The following FRMPD4 variants were observed in gnomAD, a reference collection of about 807,000 sequenced individuals.
The protein encoded by FRMPD4 is FERM and PDZ domain containing 4.
Under a neutral mutation model 94.1 loss-of-function variants are expected in FRMPD4, and 22 were observed. The observed-to-expected ratio is 0.23, with a 90% CI of 0.17 to 0.33. FRMPD4 has a LOEUF of 0.33. FRMPD4 is among the 10% of genes least tolerant of loss of function. FRMPD4 has a pLI of 1.00. For synonymous variants in FRMPD4, 631 were observed against 548.6 expected (o/e 1.15, Z -2.10); for missense variants, 1,111 against 1,339.9 (o/e 0.83, Z 2.67).
chrX:12,710,863 A>G lies in FRMPD4; in HGVS notation c.1609+326A>G, dbSNP rs749710923. ...AGAGGTTGCAGTGAGCCGAGATCGC[A>G]CCACTGCACTCCAATCTGGGTGACA... is the stretch of plus-strand genomic sequence containing the variant. On this transcript the variant is annotated intron_variant, in intron 14 of 16. Coordinates refer to ENST00000675598, the MANE Select transcript of FRMPD4 (RefSeq NM_001368397.1). Among the ~76,000 whole-genome samples, 248 of 111,011 alleles carry G rather than the reference A, an allele frequency of 2.2e-3. 2 individuals are homozygous for G. The highest frequency in any genetic ancestry group is 3.8e-3 in the Non-Finnish European group (203 of 52,950).
chrX:12,572,570 G>T (rs2058770311), intron 2 of FRMPD4, among the ~76,000 whole-genome samples: 1 of 111,881 alleles, frequency 8.9e-6, no homozygotes, highest in Non-Finnish European at 1.9e-5. Flanking sequence ...TGTTATGGGG[G>T]TGTCTATCTT....
chrX:12,108,087 T>A (rs1296396765), intron 3 of FRMPD4, among the ~76,000 whole-genome samples: 4 of 110,762 alleles, frequency 3.6e-5, no homozygotes, highest in Admixed American at 1.9e-4. Context: ...ACAAAGATAC[T>A]CCTCGAGAAG....
At chrX:12,115,111 A>G (rs1352137073) in intron 3 of FRMPD4, among the ~76,000 whole-genome samples, 1 of 112,600 alleles carries the variant, frequency 8.9e-6, no homozygotes, top group Non-Finnish European at 1.9e-5. Context: ...ACTAATCTCT[A>G]TTATATTTTG....
At chrX:12,280,663 A>G (rs1388709253) in intron 1 of FRMPD4, among the ~76,000 whole-genome samples, 2 of 111,679 alleles carry the variant, frequency 1.8e-5, no homozygotes, top group African/African-American at 3.3e-5. Context: ...CTGAGAGGAA[A>G]AATTCTGCTC....
intron 2 of FRMPD4, among the ~76,000 whole-genome samples, chrX:12,537,138 A>T (rs2058347231): frequency 9.0e-6 from 1 of 111,708 alleles, no homozygotes; most frequent in Admixed American, 9.5e-5. Context: ...ACCTTATAGG[A>T]TTCCTGTCAC....
At chrX:12,108,411 C>A (rs1301610141) in intron 3 of FRMPD4, among the ~76,000 whole-genome samples, 1 of 112,075 alleles carries the variant, frequency 8.9e-6, no homozygotes, top group Non-Finnish European at 1.9e-5. Context: ...TCTACAAGAG[C>A]TCCTGAAGGA....
chrX:12,475,827 T>C (rs1246148749), intron 1 of FRMPD4, among the ~76,000 whole-genome samples: 2 of 111,552 alleles, frequency 1.8e-5, no homozygotes, highest in African/African-American at 3.3e-5. Flanking sequence ...TACAAACAAA[T>C]GGAAGAACAT....
chrX:12,224,701 G>A (rs1357444171), intron 1 of FRMPD4, among the ~76,000 whole-genome samples: 1 of 111,360 alleles, frequency 9.0e-6, no homozygotes, highest in Non-Finnish European at 1.9e-5. Context: ...GCAGAAGAAT[G>A]GCACATGTCT....
At chrX:12,126,834 A>G (rs2055504603) in intron 3 of FRMPD4, among the ~76,000 whole-genome samples, 1 of 111,544 alleles carries the variant, frequency 9.0e-6, no homozygotes, top group African/African-American at 3.3e-5. Context: ...ATCGACACAC[A>G]TTCTCTCACG....
At chrX:12,490,347 T>C (rs183946496) in intron 1 of FRMPD4, among the ~76,000 whole-genome samples, 1 of 110,750 alleles carries the variant, frequency 9.0e-6, no homozygotes, top group African/African-American at 3.3e-5. Flanking sequence ...ATTTCCAACA[T>C]GTGAACTTTG....
chrX:12,456,685 G>A (rs2057337351), intron 1 of FRMPD4, among the ~76,000 whole-genome samples: 1 of 112,825 alleles, frequency 8.9e-6, no homozygotes, highest in African/African-American at 3.2e-5. Flanking sequence ...CTTATTGTAA[G>A]ATTCTTAAAT....
At chrX:12,112,588 A>G (rs1486391741) in intron 3 of FRMPD4, among the ~76,000 whole-genome samples, 1 of 111,717 alleles carries the variant, frequency 9.0e-6, no homozygotes, top group African/African-American at 3.3e-5. Flanking sequence ...AAAGGATATT[A>G]ATGAGACCTA....
At chrX:12,133,998 T>C (rs984991961), upstream of FRMPD4, among the ~76,000 whole-genome samples, 177 of 112,273 alleles carry the variant, frequency 1.6e-3, no homozygotes, top group African/African-American at 5.4e-3. Context: ...CGCGTTACTC[T>C]TCAGTCACAG....
chrX:12,571,152 TC>T (rs1275836035), intron 2 of FRMPD4, among the ~76,000 whole-genome samples: 1 of 112,502 alleles, frequency 8.9e-6, no homozygotes, highest in East Asian at 2.8e-4. Context: ...TGAGCTCTTT[TC>T]TCCCACAATG....
intron 3 of FRMPD4, among the ~76,000 whole-genome samples, chrX:12,020,263 T>C (rs2054625814): frequency 8.9e-6 from 1 of 112,594 alleles, no homozygotes; most frequent in Non-Finnish European, 1.9e-5. Context: ...TAGCAAGAAT[T>C]TATTTACTGT....
chrX:12,663,484 G>C (rs1169959315), intron 4 of FRMPD4, among the ~76,000 whole-genome samples: 1 of 112,052 alleles, frequency 8.9e-6, no homozygotes, highest in Admixed American at 9.4e-5. Context: ...TGTCCGGTTT[G>C]TCAGAGATCA....
chrX:12,579,443 ATTGTT>A (rs1467287150), intron 2 of FRMPD4, among the ~76,000 whole-genome samples: 2 of 111,578 alleles, frequency 1.8e-5, no homozygotes, highest in African/African-American at 3.3e-5. Flanking sequence ...TCCATTATGT[ATTGTT>A]TTGAGTCATT....
intron 3 of FRMPD4, among the ~76,000 whole-genome samples, chrX:11,880,552 G>A (rs1041917978): frequency 8.9e-6 from 1 of 111,984 alleles, no homozygotes; most frequent in African/African-American, 3.2e-5. Context: ...AGATGAGAGA[G>A]ATAGTTTAAT....
intron 3 of FRMPD4, among the ~76,000 whole-genome samples, chrX:11,979,134 C>T (rs1392822919): frequency 1.8e-5 from 2 of 111,206 alleles, no homozygotes; most frequent in Non-Finnish European, 3.8e-5. Context: ...CCCCAAGTAC[C>T]GCTTCCTGTC....
Sources: allele counts gnomAD v4.1 joint callset (sites outside exome capture counted in the v4.1 genomes callset), GRCh38; gene constraint gnomAD v4.1.1; transcripts MANE v1.5; gene names NCBI Gene and HGNC (gene_info 2026-07-23, HGNC 2026-07-21).